The following VGLL4 variants were observed in gnomAD, a reference collection of about 807,000 sequenced individuals.
VGLL4 encodes the protein vestigial like family member 4.
Under a neutral mutation model 21.0 loss-of-function variants are expected in VGLL4, and 7 were observed. That is an observed-to-expected ratio of 0.33 (90% CI 0.19 to 0.63). The LOEUF (loss-of-function observed/expected upper bound fraction) is 0.63, where lower values mean the gene tolerates loss of function less well. Ranked by LOEUF, VGLL4 falls within the 20% of genes least tolerant of loss-of-function variation. The probability of loss-of-function intolerance (pLI) is 0.78; values close to 1 mark genes in which losing one functional copy is unlikely to be tolerated. For missense variants in VGLL4, 394 were observed against 425.7 expected, an observed-to-expected ratio of 0.93 and a Z score of 0.66; for synonymous variants, 222 against 173.2, an observed-to-expected ratio of 1.28 and a Z score of -2.21.
chr3:11,676,394 C>CAAAAAAAAAAAAAA (rs1219773138), intron 2 of VGLL4, among the ~76,000 whole-genome samples: 9 of 54,346 alleles, frequency 1.7e-4, no homozygotes, highest in African/African-American at 5.4e-4. Flanking sequence ...GACTCTGTCT[C>CAAAAAAAAAAAAAA]AAAAAAAAAA....
chr3:11,613,840 A>C (rs750921241), intron 1 of VGLL4, among the ~76,000 whole-genome samples: 3 of 152,216 alleles, frequency 2.0e-5, no homozygotes, highest in Non-Finnish European at 4.4e-5. Context: ...ATGGCTGAAC[A>C]AAGGGAACCT....
At chr3:11,649,276 A>T (rs1575493789) in intron 2 of VGLL4, among the ~76,000 whole-genome samples, 1 of 152,338 alleles carries the variant, frequency 6.6e-6, no homozygotes, top group East Asian at 1.9e-4. Context: ...ATCGGATATA[A>T]AACTAAAACA....
intron 3 of VGLL4, among the ~76,000 whole-genome samples, chr3:11,563,029 T>G (rs1222787876): frequency 6.6e-6 from 1 of 152,170 alleles, no homozygotes; most frequent in East Asian, 1.9e-4. Context: ...GCAGTTCAGT[T>G]TTTGCAAAGC....
intron 1 of VGLL4, among the ~76,000 whole-genome samples, chr3:11,624,138 C>T (rs2075312407): frequency 1.3e-5 from 2 of 152,174 alleles, no homozygotes; most frequent in African/African-American, 4.8e-5. Context: ...TCAGAATCAC[C>T]TAAAAGACTT....
At chr3:11,571,240 T>C (rs1452689964) in intron 2 of VGLL4, among the ~76,000 whole-genome samples, 1 of 152,112 alleles carries the variant, frequency 6.6e-6, no homozygotes, top group Non-Finnish European at 1.5e-5. Flanking sequence ...CTGCCTTCTA[T>C]GCGTCAGCAA....
intron 2 of VGLL4, among the ~76,000 whole-genome samples, chr3:11,573,429 T>C (rs961938551): frequency 6.6e-6 from 1 of 152,072 alleles, no homozygotes; most frequent in Non-Finnish European, 1.5e-5. Flanking sequence ...TCCTCAGACA[T>C]GTGTCCTGGT....
intron 2 of VGLL4, among the ~76,000 whole-genome samples, chr3:11,575,535 G>C (rs1216677875): frequency 3.3e-5 from 5 of 152,182 alleles, no homozygotes; most frequent in African/African-American, 1.2e-4. Flanking sequence ...TCGGTCCTCA[G>C]ATCTGTGCAA....
intron 2 of VGLL4, among the ~76,000 whole-genome samples, chr3:11,650,792 C>T (rs911713636): frequency 2.0e-5 from 3 of 151,670 alleles, no homozygotes; most frequent in African/African-American, 7.3e-5. Context: ...ACAGACCTTA[C>T]TAATAACAAG....
At chr3:11,582,265 G>C (rs772513989) in intron 2 of VGLL4, 7 of 1,605,278 alleles carry the variant, frequency 4.4e-6, no homozygotes, top group Admixed American at 1.7e-5. Flanking sequence ...GGAATAAAAT[G>C]AAAGGGTTCT....
intron 2 of VGLL4, among the ~76,000 whole-genome samples, chr3:11,584,474 G>C: frequency 6.6e-6 from 1 of 152,050 alleles, no homozygotes; most frequent in South Asian, 2.1e-4. Flanking sequence ...TACAGCTGCT[G>C]GTGGGAACAG....
intron 2 of VGLL4, among the ~76,000 whole-genome samples, chr3:11,569,708 G>A (rs1274990154): frequency 6.6e-6 from 1 of 152,166 alleles, no homozygotes; most frequent in African/African-American, 2.4e-5. Context: ...CGTTCACACA[G>A]TCTTAACACA....
At chr3:11,570,063 A>G (rs1186252720) in intron 2 of VGLL4, among the ~76,000 whole-genome samples, 1 of 152,030 alleles carries the variant, frequency 6.6e-6, no homozygotes, top group African/African-American at 2.4e-5. Flanking sequence ...CTTCCTCCCA[A>G]CCTTTACCTG....
At chr3:11,595,950 T>C (rs1008407782) in intron 2 of VGLL4, among the ~76,000 whole-genome samples, 1 of 151,738 alleles carries the variant, frequency 6.6e-6, no homozygotes, top group African/African-American at 2.4e-5. Flanking sequence ...AACCTGCACA[T>C]TGTGCACATG....
intron 2 of VGLL4, among the ~76,000 whole-genome samples, chr3:11,652,679 C>T (rs1307619563): frequency 6.6e-6 from 1 of 152,152 alleles, no homozygotes; most frequent in Non-Finnish European, 1.5e-5. Flanking sequence ...TCTCAGCCTC[C>T]CAAAGTACTG....
intron 1 of VGLL4, chr3:11,633,159 A>G (rs1260134053): frequency 6.6e-6 from 1 of 152,160 alleles, no homozygotes; most frequent in African/African-American, 2.4e-5. Flanking sequence ...TAGTCAGGCA[A>G]TTTCAATGCT....
rs1015443685 is a variant in VGLL4 at position 11,719,149 on chromosome 3, C to G, written c.-14+1245G>C. 1.3e-5 allele frequency among the ~76,000 whole-genome samples: 2 copies of G among 152,188 alleles called. No homozygotes were observed. The highest frequency in any genetic ancestry group is 6.5e-5 in the Admixed American group (1 of 15,286). On this transcript the variant is annotated intron_variant, in intron 1 of 5. Coordinates refer to the VGLL4 transcript ENST00000273038. The surrounding 1 kb of genome is among the most constrained non-coding windows in gnomAD (Gnocchi z 4.0). ...GTGCCCCTTCCCGCAGTCCACATCA[C>G]AGCCCTCCCTGAGGCCGGCGGGGAC...
chr3:11,695,107 G>A (rs574245267), intron 2 of VGLL4, among the ~76,000 whole-genome samples: 1 of 148,544 alleles, frequency 6.7e-6, no homozygotes, highest in Non-Finnish European at 1.5e-5. Flanking sequence ...CTGGAGTGCA[G>A]TGGTGCAATC....
Position 11,558,607 on chromosome 3 carries a change from G to A in VGLL4, c.840C>T (p.Ser280=). The change falls in exon 5 of 5, where the codon AGC becomes AGT. Residue 280 remains serine (S), a synonymous_variant. Transcript: ENST00000430365. ...ESASRRGQPA[S]PSAHMVSHSH... is the part of the protein sequence containing the mutation. ...TGTGGCTGACCATGTGGGCAGAGGG[G>A]CTGGCGGGCTGGCCCCTGCGAGAGG... The A allele has an allele frequency of 6.2e-7, 1 of 1,606,454 alleles. No individual in the cohort carries two copies. The highest frequency in any genetic ancestry group is 8.5e-7 in the Non-Finnish European group (1 of 1,179,966).
intron 2 of VGLL4, among the ~76,000 whole-genome samples, chr3:11,696,880 G>T (rs1265016551): frequency 6.6e-6 from 1 of 152,004 alleles, no homozygotes. Flanking sequence ...CTGGGACCCC[G>T]CCGGGTATGT....
Sources: allele counts gnomAD v4.1 joint callset (sites outside exome capture counted in the v4.1 genomes callset), GRCh38; gene constraint gnomAD v4.1.1; non-coding constraint Gnocchi (gnomAD v3.1); transcripts MANE v1.5; gene names NCBI Gene and HGNC (gene_info 2026-07-23, HGNC 2026-07-21).